The following FAM107B variants were observed in gnomAD, a reference collection of about 807,000 sequenced individuals.
FAM107B encodes protein FAM107B.
A neutral mutation model predicts 31.5 loss-of-function variants in FAM107B; 21 were observed. That is an observed-to-expected ratio of 0.67 (90% CI 0.47 to 0.96). The LOEUF is 0.96. Among genes scored for constraint, FAM107B ranks in the 40% least tolerant of loss-of-function variants. The pLI is 0.00. For synonymous variants in FAM107B, 157 were observed against 141.5 expected (o/e 1.11, Z -0.78); for missense variants, 452 against 377.1 (o/e 1.20, Z -1.64).
chr10:14,629,689 AT>A, intron 2 of FAM107B, among the ~76,000 whole-genome samples: 2 of 148,852 alleles, frequency 1.3e-5, no homozygotes, highest in Admixed American at 6.8e-5. Flanking sequence ...ATTTTTTTGT[AT>A]TTTTAGTAGA....
In FAM107B at chr10:14,583,534, A is replaced by G. The variant is rs140650437; in HGVS notation, c.470-53019T>C. On this transcript the variant is annotated intron_variant, in intron 2 of 4. Transcript: ENST00000181796. ...GTATTCTTTCACCTGTGGAAGTCACAAGCATGTGGCGTGGCTCTCCATTTT... is the reference window on the plus strand; with the variant it reads ...GTATTCTTTCACCTGTGGAAGTCACGAGCATGTGGCGTGGCTCTCCATTTT... Among the ~76,000 whole-genome samples the G allele has an allele frequency of 6.1e-3, 934 of 152,200 alleles. 9 individuals carry two copies. Among genetic ancestry groups the G allele is most frequent in the African/African-American group, 0.022 (893 of 41,526 alleles).
chr10:14,751,214 C>A (rs974289727), intron 1 of FAM107B, among the ~76,000 whole-genome samples: 2 of 152,204 alleles, frequency 1.3e-5, no homozygotes, highest in African/African-American at 4.8e-5. Context: ...CCCAGCCTCC[C>A]CAAGGAGGAT....
intron 1 of FAM107B, among the ~76,000 whole-genome samples, chr10:14,688,124 C>A (rs1038333096): frequency 3.9e-5 from 6 of 152,290 alleles, no homozygotes; most frequent in South Asian, 4.1e-4. Flanking sequence ...AGTCTTCCAG[C>A]CTTCGTTTCT....
chr10:14,708,163 C>T (rs762542623), intron 1 of FAM107B, among the ~76,000 whole-genome samples: 14 of 152,054 alleles, frequency 9.2e-5, no homozygotes, highest in Non-Finnish European at 1.6e-4. Flanking sequence ...CTGAAAACTC[C>T]GCCTCCCAGG....
At chr10:14,710,450 A>G (rs1176997092) in intron 1 of FAM107B, among the ~76,000 whole-genome samples, 1 of 151,400 alleles carries the variant, frequency 6.6e-6, no homozygotes, top group Admixed American at 6.6e-5. Flanking sequence ...ACACACACAC[A>G]CACACACACA....
At chr10:14,772,362 A>AAAATATATATATATATATATAT (rs10651238) in intron 1 of FAM107B, among the ~76,000 whole-genome samples, 1 of 145,590 alleles carries the variant, frequency 6.9e-6, no homozygotes, top group Non-Finnish European at 1.5e-5. Context: ...TTAAAAAAAA[A>AAAATATATATATATATATATAT]ATATATATAT....
At chr10:14,627,253 C>A (rs1302861968) in intron 2 of FAM107B, among the ~76,000 whole-genome samples, 1 of 152,216 alleles carries the variant, frequency 6.6e-6, no homozygotes, top group African/African-American at 2.4e-5. Flanking sequence ...CAATCTGATT[C>A]TACCAAAACA....
intron 2 of FAM107B, among the ~76,000 whole-genome samples, chr10:14,612,795 G>A (rs1852756993): frequency 6.6e-6 from 1 of 151,896 alleles, no homozygotes; most frequent in African/African-American, 2.4e-5. Flanking sequence ...GAAAGAACAA[G>A]TAAAAAAGAC....
At chr10:14,751,827 C>G (rs575602522) in intron 1 of FAM107B, among the ~76,000 whole-genome samples, 1 of 151,944 alleles carries the variant, frequency 6.6e-6, no homozygotes, top group Non-Finnish European at 1.5e-5. Context: ...AAGGTTGTAA[C>G]GCACCGAGAC....
At chr10:14,551,472 A>G (rs1849256225) in intron 2 of FAM107B, among the ~76,000 whole-genome samples, 1 of 152,210 alleles carries the variant, frequency 6.6e-6, no homozygotes, top group Non-Finnish European at 1.5e-5. Context: ...CAAACTGAGT[A>G]AGATTCCAAT....
chr10:14,692,145 TCGAGG>T, intron 1 of FAM107B, among the ~76,000 whole-genome samples: 2 of 152,022 alleles, frequency 1.3e-5, no homozygotes, highest in South Asian at 4.1e-4. Flanking sequence ...GGGAAGGCAA[TCGAGG>T]GGAGCCCCCT....
chr10:14,615,520 C>T (rs1852828858), intron 2 of FAM107B, among the ~76,000 whole-genome samples: 1 of 152,200 alleles, frequency 6.6e-6, no homozygotes, highest in Non-Finnish European at 1.5e-5. Flanking sequence ...AATCTTCATT[C>T]ATGATGTTCC....
At chr10:14,566,430 C>T (rs71485519) in intron 2 of FAM107B, among the ~76,000 whole-genome samples, 23,911 of 152,118 alleles carry the variant, frequency 0.16, 2,239 homozygotes, top group Middle Eastern at 0.28. Context: ...AGGCGACCCA[C>T]GTCCCACAAC....
intron 2 of FAM107B, among the ~76,000 whole-genome samples, chr10:14,575,726 T>C (rs904253850): frequency 2.0e-5 from 3 of 152,160 alleles, no homozygotes; most frequent in Admixed American, 2.0e-4. Context: ...GACAGACACA[T>C]GTGTGCACGG....
At chr10:14,715,597 T>C (rs1855761976) in intron 1 of FAM107B, among the ~76,000 whole-genome samples, 1 of 152,164 alleles carries the variant, frequency 6.6e-6, no homozygotes, top group African/African-American at 2.4e-5. Flanking sequence ...GGAGACTAAC[T>C]AAAGAAGACC....
chr10:14,611,525 T>C (rs1399311160), intron 2 of FAM107B, among the ~76,000 whole-genome samples: 1 of 116,868 alleles, frequency 8.6e-6, no homozygotes, highest in Admixed American at 9.4e-5. Context: ...TATATATATA[T>C]ATATTCACCT....
intron 1 of FAM107B, among the ~76,000 whole-genome samples, chr10:14,706,224 T>C (rs1855515909): frequency 6.6e-6 from 1 of 152,206 alleles, no homozygotes; most frequent in Non-Finnish European, 1.5e-5. Flanking sequence ...TATTTTATTT[T>C]AAGAGACAGG....
At chr10:14,573,495 G>A (rs1851357610) in intron 2 of FAM107B, among the ~76,000 whole-genome samples, 1 of 151,114 alleles carries the variant, frequency 6.6e-6, no homozygotes, top group Non-Finnish European at 1.5e-5. Context: ...GGGAGGCCAA[G>A]GCAGGAGGAT....
At position 14,774,754 on chromosome 10, in the gene FAM107B, C is replaced by G. The variant is rs1453461958; in HGVS notation, c.-91G>C. 2 of 1,381,676 alleles carry G rather than the reference C, an allele frequency of 1.4e-6. No homozygotes were observed. The highest frequency in any genetic ancestry group is 2.0e-6 in the Non-Finnish European group (2 of 1,013,862). 85.6% of individuals were successfully genotyped at this position (1,381,676 alleles called of 1,614,324 possible). On this transcript the variant is annotated 5_prime_UTR_variant, in exon 1 of 5. Coordinates refer to ENST00000181796, the MANE Select transcript of FAM107B (RefSeq NM_031453.4). ...TCCACTTTGCTTATAGGAACTCTTTCCAATTGCCCGAAGAGAAGAACTTGC... is the reference window on the plus strand; with the variant it reads ...TCCACTTTGCTTATAGGAACTCTTTGCAATTGCCCGAAGAGAAGAACTTGC...
Sources: allele counts gnomAD v4.1 joint callset (sites outside exome capture counted in the v4.1 genomes callset), GRCh38; gene constraint gnomAD v4.1.1; transcripts MANE v1.5; gene names NCBI Gene and HGNC (gene_info 2026-07-23, HGNC 2026-07-21).